The following CDYL variants were observed in gnomAD, a reference collection of about 807,000 sequenced individuals.
CDYL encodes chromodomain Y-like protein.
In CDYL, 8 loss-of-function variants were observed where a neutral mutation model predicts 47.3. That is an observed-to-expected ratio of 0.17 (90% CI 0.10 to 0.31). The LOEUF (loss-of-function observed/expected upper bound fraction) is 0.31. CDYL is among the 10% of genes least tolerant of loss of function. The pLI is 1.00. For missense variants in CDYL, 471 were observed against 701.4 expected (o/e 0.67, Z 3.71); for synonymous variants, 266 against 265.0 (o/e 1.00, Z -0.04).
At chr6:4,745,594 A>T (rs1009534295) in intron 3 of CDYL, among the ~76,000 whole-genome samples, 8 of 132 alleles carry the variant, frequency 0.061, no homozygotes, top group Non-Finnish European at 0.13. Flanking sequence ...ATAAAAATTA[A>T]AAAAAAAAAG....
At chr6:4,804,076 A>G (rs1447955259) in intron 1 of CDYL, among the ~76,000 whole-genome samples, 1 of 151,490 alleles carries the variant, frequency 6.6e-6, no homozygotes, top group East Asian at 1.9e-4. Flanking sequence ...GAAACCAGTC[A>G]AGGTCCATAA....
At position 4,817,775 on chromosome 6, in the gene CDYL, G is replaced by A. The variant is rs11968667; in HGVS notation, c.24+40968G>A. On this transcript the variant is annotated intron_variant, in intron 1 of 6. Coordinates refer to ENST00000397588, the MANE Select transcript of CDYL (RefSeq NM_004824.4). ...GGGTTTGTTTTGGGCTGGTTGCTGC[G>A]TCAGAATTAGATGAATTTGTCTGTA... Among the ~76,000 whole-genome samples the A allele has an allele frequency of 4.3e-3, 656 of 152,202 alleles. 2 individuals are homozygous for A. Among genetic ancestry groups the A allele is most frequent in the African/African-American group, 0.014 (583 of 41,528 alleles).
At chr6:4,789,203 G>C (rs1490774543) in intron 1 of CDYL, among the ~76,000 whole-genome samples, 1 of 152,118 alleles carries the variant, frequency 6.6e-6, no homozygotes, top group Non-Finnish European at 1.5e-5. Flanking sequence ...AGCCTGCCGA[G>C]TAGCTGGAAC....
chr6:4,877,660 G>A (rs775085715), intron 1 of CDYL, among the ~76,000 whole-genome samples: 2 of 152,112 alleles, frequency 1.3e-5, no homozygotes, highest in Non-Finnish European at 2.9e-5. Context: ...TCTATTTCTG[G>A]TGCTCTCTTG....
intron 3 of CDYL, among the ~76,000 whole-genome samples, chr6:4,739,241 G>A (rs1757755341): frequency 6.6e-6 from 1 of 151,504 alleles, no homozygotes; most frequent in Admixed American, 6.6e-5. Context: ...GTTGAGGCCA[G>A]GCACAGTGGC....
At chr6:4,786,874 C>A (rs1032593267) in intron 1 of CDYL, among the ~76,000 whole-genome samples, 1 of 152,162 alleles carries the variant, frequency 6.6e-6, no homozygotes, top group East Asian at 1.9e-4. Context: ...CCAGCTGTGT[C>A]CCTCTAACCT....
chr6:4,761,770 T>C (rs1426581587), intron 3 of CDYL, among the ~76,000 whole-genome samples: 1 of 152,236 alleles, frequency 6.6e-6, no homozygotes, highest in African/African-American at 2.4e-5. Context: ...TCTCAACCTG[T>C]TTCCTCTCTG....
At chr6:4,851,959 A>G (rs1382014372) in intron 1 of CDYL, among the ~76,000 whole-genome samples, 3 of 151,400 alleles carry the variant, frequency 2.0e-5, no homozygotes, top group Non-Finnish European at 4.4e-5. Flanking sequence ...CCCTACTTTT[A>G]TTTATTTCTA....
At chr6:4,735,625 G>C (rs957037531) in intron 3 of CDYL, among the ~76,000 whole-genome samples, 2 of 151,958 alleles carry the variant, frequency 1.3e-5, no homozygotes, top group African/African-American at 4.8e-5. Context: ...AATTAGCCAA[G>C]CTTGGTGGTG....
At chr6:4,927,303 G>A (rs182990660) in intron 2 of CDYL, among the ~76,000 whole-genome samples, 4 of 151,792 alleles carry the variant, frequency 2.6e-5, no homozygotes, top group Admixed American at 6.6e-5. Context: ...TGTGCCCTTC[G>A]CTAGCCCTAA....
rs143568827 is a variant in CDYL, at chr6:4,932,993, C to G, written c.692-2522C>G. Among the ~76,000 whole-genome samples, 4 of 152,318 alleles carry G rather than the reference C, an allele frequency of 2.6e-5. No homozygotes were observed. In the East Asian group the frequency reaches 7.7e-4, roughly 29 times the overall value. ...GGCCTCTCATTTCTCCCTGCGTCGCCTCTTCTGCATTCTCCTCCACCTCTG... is the reference window on the plus strand; with the variant it reads ...GGCCTCTCATTTCTCCCTGCGTCGCGTCTTCTGCATTCTCCTCCACCTCTG... On this transcript the variant is annotated intron_variant, in intron 2 of 6. Coordinates refer to ENST00000397588, the MANE Select transcript of CDYL (RefSeq NM_004824.4).
chr6:4,895,524 C>T (rs993871331), intron 2 of CDYL, among the ~76,000 whole-genome samples: 1 of 148,330 alleles, frequency 6.7e-6, no homozygotes, highest in African/African-American at 2.5e-5. Context: ...TGTATATATA[C>T]ATGTATACAT....
intron 2 of CDYL, among the ~76,000 whole-genome samples, chr6:4,923,249 T>C (rs1481549835): frequency 6.6e-6 from 1 of 152,204 alleles, no homozygotes. Flanking sequence ...TCCCAGCCTC[T>C]AGTAACCACT....
chr6:4,926,923 T>C (rs1757891499), intron 2 of CDYL, among the ~76,000 whole-genome samples: 1 of 152,206 alleles, frequency 6.6e-6, no homozygotes, highest in African/African-American at 2.4e-5. Context: ...GCTGCAGGGA[T>C]TTGAATCCGA....
chr6:4,776,862 C>A, intron 1 of CDYL, 55 bp downstream of exon 1: 1 of 799,758 alleles, frequency 1.3e-6, no homozygotes, highest in Non-Finnish European at 1.5e-6. Flanking sequence ...CCCTCCCGGC[C>A]CGGCCGCGCC....
rs1758801331 is a variant in CDYL at position 4,954,227 on chromosome 6, T to C, written c.*171T>C. On this transcript the variant is annotated 3_prime_UTR_variant, in exon 7 of 7. Transcript: ENST00000397588. ...TTATTATCGAGGAGTTTTAAAGTAC[T>C]GTAACTTTAAAATAAATAACTACAA... 1.7e-6 allele frequency: 1 copy of C among 589,578 alleles called. No homozygotes were observed. Among genetic ancestry groups the C allele is most frequent in the African/African-American group, 1.8e-5 (1 of 54,176 alleles). The allele number at this position is 589,578 out of a possible 1,614,324, so 36.5% of individuals were successfully genotyped here. A position where few individuals can be genotyped will look rare whatever the true frequency, so the allele number is the denominator to read the frequency against.
At position 4,935,613 on chromosome 6, in the gene CDYL, G is replaced by A. The variant is rs769274205; in HGVS notation, c.790G>A (p.Asp264Asn). ...VTASKRKFIDDRRDQPFDKRL... is the reference protein window; with the variant it reads ...VTASKRKFIDNRRDQPFDKRL... ...TGCCAGCAAAAGGAAATTTATTGAC[G>A]ACAGAAGAGACCAGCCTTTTGACAA... Residue 264 changes from aspartate (D) to asparagine (N), a missense_variant, in exon 3 of 7, where the codon GAC becomes AAC. This residue lies in a region of CDYL where 311 missense variants were observed against 350.0 expected (regional missense o/e 0.89). Transcript: ENST00000397588. The A allele has an allele frequency of 1.7e-5, 27 of 1,614,090 alleles. No individual in the cohort carries two copies. The highest frequency in any genetic ancestry group is 2.2e-5 in the South Asian group (2 of 91,090).
intron 2 of CDYL, among the ~76,000 whole-genome samples, chr6:4,720,974 CA>C (rs1757358586): frequency 6.6e-6 from 1 of 152,198 alleles, no homozygotes; most frequent in Middle Eastern, 3.4e-3. Context: ...GATTTTTTCT[CA>C]AAATGTTAGC....
intron 1 of CDYL, among the ~76,000 whole-genome samples, chr6:4,878,961 A>T (rs1761689297): frequency 2.6e-5 from 4 of 151,930 alleles, no homozygotes. Context: ...TCTTTGACTC[A>T]TGGTTTATTT....
Sources: allele counts gnomAD v4.1 joint callset (sites outside exome capture counted in the v4.1 genomes callset), GRCh38; gene constraint gnomAD v4.1.1; regional missense constraint gnomAD v4.1.1; transcripts MANE v1.5; gene names NCBI Gene and HGNC (gene_info 2026-07-23, HGNC 2026-07-21).